The following NAALADL2 variants were observed in gnomAD, a reference collection of about 807,000 sequenced individuals.
The protein encoded by NAALADL2 is N-acetylated alpha-linked acidic dipeptidase like 2, also known as inactive N-acetylated-alpha-linked acidic dipeptidase-like protein 2.
Under a neutral mutation model 87.2 loss-of-function variants are expected in NAALADL2, and 76 were observed. That is an observed-to-expected ratio of 0.87 (90% confidence interval 0.72 to 1.05). The LOEUF (loss-of-function observed/expected upper bound fraction) is 1.05, where lower values mean the gene tolerates loss of function less well. NAALADL2 is among the 50% of genes least tolerant of loss of function. The pLI is 0.00. For missense variants in NAALADL2, 1,089 were observed against 945.8 expected (o/e 1.15, Z -1.99); for synonymous variants, 354 against 331.0 (o/e 1.07, Z -0.75).
chr3:175,636,224 G>A lies in NAALADL2; in HGVS notation c.1896+8838G>A, dbSNP rs116276038. On this transcript the variant is annotated intron_variant, in intron 11 of 13. Transcript: ENST00000454872. ...TGTGTGTGTGTGTGTGCGTGTGTGT[G>A]CTCTCTTGGTAGACCTCTGCACATG... 3.6e-3 allele frequency among the ~76,000 whole-genome samples: 553 copies of A among 152,112 alleles called. 3 individuals carry two copies. The highest frequency in any genetic ancestry group is 0.012 in the African/African-American group (511 of 41,500).
At chr3:174,885,603 G>C (rs1729992875) in intron 1 of NAALADL2, among the ~76,000 whole-genome samples, 1 of 152,004 alleles carries the variant, frequency 6.6e-6, no homozygotes, top group African/African-American at 2.4e-5. Context: ...ATTAGAAGTA[G>C]AGTTCTTTGC....
chr3:174,885,268 T>C lies in NAALADL2; in HGVS notation c.43+25818T>C, dbSNP rs576082214. ...CATGATAAGATCTTGTGTCTGTTTT[T>C]CCACAATTTCAGCTCTTTGTCTGTA... is the stretch of plus-strand genomic sequence containing the variant. On this transcript the variant is annotated intron_variant, in intron 1 of 13. Transcript: ENST00000454872. 2.0e-5 allele frequency among the ~76,000 whole-genome samples: 3 copies of C among 152,290 alleles called. No homozygotes were observed. In the South Asian group the frequency reaches 6.2e-4, roughly 32 times the overall value.
intron 1 of NAALADL2, among the ~76,000 whole-genome samples, chr3:174,979,304 CTTTTTTTTTT>C (rs5854604): frequency 1.9e-5 from 2 of 105,222 alleles, no homozygotes; most frequent in Non-Finnish European, 3.6e-5. Flanking sequence ...TCTTTCTTTT[CTTTTTTTTTT>C]TTTTTTTTTG....
intron 1 of NAALADL2, among the ~76,000 whole-genome samples, chr3:174,488,767 G>C (rs913843268): frequency 2.0e-5 from 3 of 151,672 alleles, no homozygotes; most frequent in Non-Finnish European, 4.4e-5. Context: ...TACTAAATCA[G>C]CCTACTAAAT....
chr3:175,284,287 G>C (rs903576583), intron 4 of NAALADL2, among the ~76,000 whole-genome samples: 5 of 149,090 alleles, frequency 3.4e-5, no homozygotes, highest in African/African-American at 5.0e-5. Flanking sequence ...TGCCTTTCTT[G>C]GTCCTCCTTC....
At chr3:175,355,477 A>G (rs1424397564) in intron 5 of NAALADL2, among the ~76,000 whole-genome samples, 2 of 152,208 alleles carry the variant, frequency 1.3e-5, no homozygotes, top group Admixed American at 6.5e-5. Context: ...AAGAGGAAAT[A>G]TAATTACATT....
intron 9 of NAALADL2, among the ~76,000 whole-genome samples, chr3:175,476,026 T>A: frequency 6.6e-6 from 1 of 152,170 alleles, no homozygotes; most frequent in East Asian, 1.9e-4. Context: ...CCCAGCCAAA[T>A]GTTGTTGTAG....
chr3:175,223,873 A>G (rs1743774934), intron 2 of NAALADL2, among the ~76,000 whole-genome samples: 3 of 152,168 alleles, frequency 2.0e-5, no homozygotes, highest in Admixed American at 2.0e-4. Flanking sequence ...ACATTTGTAA[A>G]TGTCTGGAGG....
chr3:175,728,039 T>G (rs1184646703), intron 11 of NAALADL2, among the ~76,000 whole-genome samples: 2 of 152,202 alleles, frequency 1.3e-5, no homozygotes, highest in African/African-American at 2.4e-5. Context: ...GTATAAGTTC[T>G]CGCTTTACTA....
intron 2 of NAALADL2, among the ~76,000 whole-genome samples, chr3:174,696,480 G>A (rs1484587745): frequency 3.3e-5 from 5 of 150,530 alleles, no homozygotes; most frequent in Admixed American, 2.7e-4. Flanking sequence ...AAGTACCTAT[G>A]GTTAAAAACA....
chr3:174,882,551 A>G (rs924449532), intron 1 of NAALADL2, among the ~76,000 whole-genome samples: 9 of 149,652 alleles, frequency 6.0e-5, no homozygotes, highest in South Asian at 2.1e-4. Context: ...ACACATATGT[A>G]CATATGTGTA....
chr3:174,441,198 C>G (rs975918638), intron 1 of NAALADL2, among the ~76,000 whole-genome samples: 7 of 151,916 alleles, frequency 4.6e-5, no homozygotes, highest in African/African-American at 1.4e-4. Flanking sequence ...GGGCGCCGAC[C>G]CGGCGTGAAG....
chr3:174,716,589 T>G (rs1257702971), intron 2 of NAALADL2, among the ~76,000 whole-genome samples: 1 of 151,952 alleles, frequency 6.6e-6, no homozygotes, highest in African/African-American at 2.4e-5. Context: ...AATACATTAA[T>G]AGAATTATTT....
At chr3:174,465,043 G>A (rs754351988) in intron 1 of NAALADL2, among the ~76,000 whole-genome samples, 22 of 151,910 alleles carry the variant, frequency 1.4e-4, no homozygotes, top group Non-Finnish European at 2.9e-4. Flanking sequence ...AATGACTAAA[G>A]TATATTGGTA....
intron 13 of NAALADL2, among the ~76,000 whole-genome samples, chr3:175,789,855 A>G: frequency 6.6e-6 from 1 of 152,174 alleles, no homozygotes; most frequent in Non-Finnish European, 1.5e-5. Context: ...AAAGAGCTAA[A>G]CATCCATGAA....
intron 1 of NAALADL2, among the ~76,000 whole-genome samples, chr3:174,544,017 AAAAAAG>A (rs1233583971): frequency 3.4e-4 from 52 of 152,078 alleles, no homozygotes; most frequent in African/African-American, 1.1e-3. Context: ...TCCAAAAAAA[AAAAAAG>A]AAAAGAAAGG....
At chr3:174,981,259 G>A (rs1264349445) in intron 1 of NAALADL2, among the ~76,000 whole-genome samples, 1 of 152,128 alleles carries the variant, frequency 6.6e-6, no homozygotes, top group African/African-American at 2.4e-5. Context: ...TCAGAAGTCA[G>A]AAGAGAACTC....
Position 175,726,957 on chromosome 3 carries a change from G to A in NAALADL2, c.1897-10349G>A, listed in dbSNP as rs937511519. On this transcript the variant is annotated intron_variant, in intron 11 of 13. Coordinates refer to ENST00000454872, the MANE Select transcript of NAALADL2 (RefSeq NM_207015.3). Reference sequence around the variant, plus strand: ...CTTCAATGCCCTGGTGTTGGGAGGTGTTAGTACATACTTGCAAAAAACTAT... The same window carrying A: ...CTTCAATGCCCTGGTGTTGGGAGGTATTAGTACATACTTGCAAAAAACTAT... Among the ~76,000 whole-genome samples the A allele has an allele frequency of 4.6e-5, 7 of 152,144 alleles. No homozygotes were observed. In the South Asian group the frequency reaches 1.4e-3, roughly 31 times the overall value.
At chr3:175,783,387 A>C (rs1198394509) in intron 13 of NAALADL2, among the ~76,000 whole-genome samples, 3 of 151,054 alleles carry the variant, frequency 2.0e-5, no homozygotes, top group Non-Finnish European at 4.4e-5. Context: ...TTCCTTGAGC[A>C]GTGGTTTGTA....
Sources: gnomAD v4.1 joint callset for allele counts (sites outside exome capture counted in the v4.1 genomes callset) on GRCh38, gnomAD v4.1.1 for gene constraint, MANE v1.5 for transcripts, NCBI Gene and HGNC (gene_info 2026-07-23, HGNC 2026-07-21) for gene names.